NPC1L1: variants seen among roughly 807,000 people sequenced by gnomAD.
NPC1L1 encodes NPC1 like intracellular cholesterol transporter 1, also known as NPC1-like intracellular cholesterol transporter 1.
Under a neutral mutation model 117.0 loss-of-function variants are expected in NPC1L1, and 98 were observed. That is an observed-to-expected ratio of 0.84 (90% CI 0.71 to 0.99). The LOEUF (loss-of-function observed/expected upper bound fraction) is 0.99. NPC1L1 is among the 50% of genes least tolerant of loss of function. The pLI is 0.00. For missense variants in NPC1L1, 1,540 were observed against 1,710.0 expected (o/e 0.90, Z 1.75); for synonymous variants, 729 against 727.6 (o/e 1.00, Z -0.03).
At chr7:44,519,856 A>G (rs1462461647) in intron 14 of NPC1L1, among the ~76,000 whole-genome samples, 2 of 147,892 alleles carry the variant, frequency 1.4e-5, no homozygotes, top group African/African-American at 5.0e-5. Context: ...CCCAGGCTGG[A>G]GTGCAGTGTT....
rs1210867831 is a variant in NPC1L1 at position 44,539,287 on chromosome 7, C to T, written c.1110G>A (p.Leu370=). The T allele has an allele frequency of 6.2e-7, 1 of 1,613,942 alleles. No homozygotes were observed. Among genetic ancestry groups the T allele is most frequent in the Non-Finnish European group, 8.5e-7 (1 of 1,180,032 alleles). Residue 370 remains leucine, a synonymous_variant, in exon 2 of 19, where the codon CTG becomes CTA. Transcript: ENST00000381160. The surrounding 1 kb of genome is among the most constrained non-coding windows in gnomAD (Gnocchi z 4.4). ...GGTCCGTAGTGAGTTCTGTAAAGACCAGGCCCGCTGCCAAGGCCACCACCG... is the reference window on the plus strand; with the variant it reads ...GGTCCGTAGTGAGTTCTGTAAAGACTAGGCCCGCTGCCAAGGCCACCACCG... ...VIPVVALAAG[L]VFTELTTDPV... is the part of the protein sequence containing the mutation.
chr7:44,539,797 C>T lies in NPC1L1; in HGVS notation c.600G>A (p.Gln200=). The T allele has an allele frequency of 6.2e-7, 1 of 1,614,162 alleles. No homozygotes were observed. ...TGTCTCCCTGGAAGTTGAGCCAGCG[C>T]TGGGCATTGCAAAGGGCAGAGCCAT... ...GVYGSALCNA[Q]RWLNFQGDTG... Residue 200 remains glutamine, a synonymous_variant, in exon 2 of 19, where the codon CAG becomes CAA. Coordinates refer to ENST00000381160, the MANE Select transcript of NPC1L1 (RefSeq NM_001101648.2). The surrounding 1 kb of genome is among the most constrained non-coding windows in gnomAD (Gnocchi z 4.4).
rs763594780 is a variant in NPC1L1 at position 44,520,810 on chromosome 7, C to T, written c.3091G>A (p.Ala1031Thr). The change falls in exon 14 of 19, where the codon GCA (alanine) becomes ACA (threonine). Residue 1031 changes from alanine (A) to threonine (T), a missense_variant. Coordinates refer to ENST00000381160, the MANE Select transcript of NPC1L1 (RefSeq NM_001101648.2). ...GTCAAGTTCACAGAGGTGCTGTATGCTGCCAGGCCGCTGCAAGAAGGTCAG... is the reference window on the plus strand; with the variant it reads ...GTCAAGTTCACAGAGGTGCTGTATGTTGCCAGGCCGCTGCAAGAAGGTCAG... ...NIKCPKGGLA[A>T]YSTSVNLTSD... The T allele has an allele frequency of 1.9e-6, 3 of 1,614,170 alleles. No individual in the cohort carries two copies. Among genetic ancestry groups the T allele is most frequent in the Non-Finnish European group, 8.5e-7 (1 of 1,180,006 alleles).
chr7:44,531,250 C>T (rs143508824), intron 10 of NPC1L1, among the ~76,000 whole-genome samples: 1 of 152,338 alleles, frequency 6.6e-6, no homozygotes, highest in East Asian at 1.9e-4. Flanking sequence ...CCCTTGGCCT[C>T]CAGCTCATCC....
chr7:44,536,340 C>T lies in NPC1L1; in HGVS notation c.1770G>A (p.Lys590=). ...PAGDPRLAQA[K]LWEEAFLEEM... is the part of the protein sequence containing the mutation. ...CCTCTAAGAAGGCCTCCTCCCACAG[C>T]TTGGCCTGGGCCAGACGGGGGTCCC... Residue 590 remains lysine (K), a synonymous_variant, in exon 4 of 19, where the codon AAG becomes AAA. Coordinates refer to ENST00000381160, the MANE Select transcript of NPC1L1 (RefSeq NM_001101648.2). This position sits in a 1 kb window ranked among gnomAD's most constrained non-coding sequence, Gnocchi z 4.7. 6.2e-7 allele frequency: 1 copy of T among 1,614,238 alleles called. No homozygotes were observed. Among genetic ancestry groups the T allele is most frequent in the Non-Finnish European group, 8.5e-7 (1 of 1,180,032 alleles).
chr7:44,514,121 A>C (rs770151362), intron 18 of NPC1L1, among the ~76,000 whole-genome samples: 3 of 152,212 alleles, frequency 2.0e-5, no homozygotes, highest in Non-Finnish European at 4.4e-5. Flanking sequence ...GGGAAGGATA[A>C]TAATACCTGC....
In NPC1L1 at chr7:44,536,068, A is replaced by G. The variant is rs1801879619; in HGVS notation, c.1855-100T>C. 2 of 1,585,542 alleles carry G rather than the reference A, an allele frequency of 1.3e-6. No individual in the cohort carries two copies. Among genetic ancestry groups the G allele is most frequent in the Non-Finnish European group, 1.7e-6 (2 of 1,157,830 alleles). ...CTGGGCACTAATTGTGTGTTGTGTC[A>G]TAGGGCCTGATGGCCCCCTATAATC... On this transcript the variant is annotated intron_variant, in intron 4 of 18. Transcript: ENST00000381160. The surrounding 1 kb of genome is among the most constrained non-coding windows in gnomAD (Gnocchi z 4.7).
chr7:44,539,648 T>C lies in NPC1L1; in HGVS notation c.749A>G (p.Asp250Gly), dbSNP rs1802020961. The change falls in exon 2 of 19, where the codon GAC becomes GGC. Residue 250 changes from aspartate (D) to glycine (G), a missense_variant. Around this residue, in one of 3 missense-constraint regions of NPC1L1, gnomAD observed 793 missense variants for 820.4 expected, o/e 0.97. Transcript: ENST00000381160. This position sits in a 1 kb window ranked among gnomAD's most constrained non-coding sequence, Gnocchi z 4.4. ...VARCNESQGD[D>G]VATCSCQDCA... ...GTCTTGGCAGGAGCAGGTCGCCACGTCGTCACCTTGGGACTCATTGCAACG... is the reference window on the plus strand; with the variant it reads ...GTCTTGGCAGGAGCAGGTCGCCACGCCGTCACCTTGGGACTCATTGCAACG... 2 of 1,613,802 alleles carry C rather than the reference T, an allele frequency of 1.2e-6. No individual in the cohort carries two copies. Among genetic ancestry groups the C allele is most frequent in the African/African-American group, 2.7e-5 (2 of 75,030 alleles).
chr7:44,521,542 G>T (rs993803592), intron 12 of NPC1L1, among the ~76,000 whole-genome samples, 170 bp downstream of exon 12: 2 of 152,220 alleles, frequency 1.3e-5, no homozygotes, highest in African/African-American at 4.8e-5. Flanking sequence ...ACCCACACAG[G>T]TGCTTCTCAC....
At position 44,539,174 on chromosome 7, in the gene NPC1L1, T is replaced by C. The variant is rs749734311; in HGVS notation, c.1223A>G (p.Asn408Ser). 3 of 1,613,946 alleles carry C rather than the reference T, an allele frequency of 1.9e-6. No individual in the cohort carries two copies. The highest frequency in any genetic ancestry group is 2.5e-6 in the Non-Finnish European group (3 of 1,180,008). ...GTTAGGAGCCGTCAGGATCACCTGG[T>C]TGGTTCGGAAGAAGGGGCCGAAATG... ...DQHFGPFFRTNQVILTAPNRS... is the reference protein window; with the variant it reads ...DQHFGPFFRTSQVILTAPNRS... The change falls in exon 2 of 19, where the codon AAC becomes AGC. Residue 408 changes from asparagine (N) to serine (S), a missense_variant. Around this residue, in one of 3 missense-constraint regions of NPC1L1, gnomAD observed 793 missense variants for 820.4 expected, o/e 0.97. Coordinates refer to ENST00000381160, the MANE Select transcript of NPC1L1 (RefSeq NM_001101648.2). The surrounding 1 kb of genome is among the most constrained non-coding windows in gnomAD (Gnocchi z 4.4).
intron 16 of NPC1L1, 143 bp downstream of exon 16, chr7:44,516,560 C>T: frequency 1.3e-6 from 1 of 749,118 alleles, no homozygotes; most frequent in Non-Finnish European, 2.3e-6. Context: ...GAGCTGTGAT[C>T]ATGTCACTGC....
In NPC1L1 at chr7:44,533,502, C is replaced by T; in HGVS notation, c.2338G>A (p.Val780Met). ...ATCTGCAGGAGGAAGTCAAGGATCA[C>T]TGCAAGGCCAGAGGTCAGGGCAAAG... ...RTFALTSGLA[V>M]ILDFLLQMSA... Residue 780 changes from valine (V) to methionine (M), a missense_variant, in exon 8 of 19, where the codon GTG becomes ATG. Physicochemically the swap from Val to Met is conservative, Grantham distance 21. Around this residue, in one of 3 missense-constraint regions of NPC1L1, gnomAD observed 742 missense variants for 873.6 expected, o/e 0.85. Coordinates refer to ENST00000381160, the MANE Select transcript of NPC1L1 (RefSeq NM_001101648.2). The T allele has an allele frequency of 1.2e-6, 2 of 1,614,200 alleles. No individual in the cohort carries two copies. The highest frequency in any genetic ancestry group is 1.7e-6 in the Non-Finnish European group (2 of 1,180,020).
At chr7:44,516,673 G>GC (rs1801194488) in intron 16 of NPC1L1, 30 bp downstream of exon 16, 1 of 1,556,966 alleles carries the variant, frequency 6.4e-7, no homozygotes, top group African/African-American at 1.4e-5. Flanking sequence ...CCCTCCAGAG[G>GC]CCCCCTGGTG....
chr7:44,515,970 G>T lies in NPC1L1; in HGVS notation c.3634-5C>A. On this transcript the variant is annotated splice_polypyrimidine_tract_variant and splice_region_variant and intron_variant, in intron 17 of 18. Coordinates refer to ENST00000381160, the MANE Select transcript of NPC1L1 (RefSeq NM_001101648.2). ...CATGGCCACACCTGCAAACACCTGG[G>T]GGGTTCAGAGCCAGGTGTCAGGCAG... 6.2e-7 allele frequency: 1 copy of T among 1,613,760 alleles called. No homozygotes were observed.
intron 14 of NPC1L1, among the ~76,000 whole-genome samples, chr7:44,518,342 G>A (rs1801251818): frequency 6.7e-6 from 1 of 149,632 alleles, no homozygotes; most frequent in African/African-American, 2.4e-5. Context: ...GCTAATTTTT[G>A]TATTTTTAGT....
chr7:44,523,731 G>T lies in NPC1L1; in HGVS notation c.2638-1489C>A, dbSNP rs558090460. Among the ~76,000 whole-genome samples, 130 of 152,306 alleles carry T rather than the reference G, an allele frequency of 8.5e-4. No homozygotes were observed. The Middle Eastern group carries it at 0.014, about 16-fold the overall frequency. On this transcript the variant is annotated intron_variant, in intron 10 of 18. Transcript: ENST00000381160. ...AAAATACAAAAGTTAGCTGGGTGTG[G>T]TGGCACATGCCTGTAGTCCTAGCTA...
Position 44,536,320 on chromosome 7 carries a change from A to G in NPC1L1, c.1790T>C (p.Leu597Ser). 1 of 1,614,218 alleles carries G rather than the reference A, an allele frequency of 6.2e-7. No homozygotes were observed. Among genetic ancestry groups the G allele is most frequent in the Non-Finnish European group, 8.5e-7 (1 of 1,180,028 alleles). The change falls in exon 4 of 19, where the codon TTA becomes TCA. Residue 597 changes from leucine (L) to serine (S), a missense_variant. By Grantham distance (145) the Leu-to-Ser change is moderately radical (BLOSUM62 -2). This residue lies in a region of NPC1L1 where 793 missense variants were observed against 820.4 expected (regional missense o/e 0.97). Coordinates refer to ENST00000381160, the MANE Select transcript of NPC1L1 (RefSeq NM_001101648.2). The surrounding 1 kb of genome is among the most constrained non-coding windows in gnomAD (Gnocchi z 4.7). ...AQAKLWEEAF[L>S]EEMRAFQRRM... ...ACGCTGGAAGGCTCGCATTTCCTCTAAGAAGGCCTCCTCCCACAGCTTGGC... is the reference window on the plus strand; with the variant it reads ...ACGCTGGAAGGCTCGCATTTCCTCTGAGAAGGCCTCCTCCCACAGCTTGGC...
chr7:44,512,762 G>A lies in NPC1L1; in HGVS notation c.*685C>T, dbSNP rs1399512963. 1 of 155,138 alleles carries A rather than the reference G, an allele frequency of 6.4e-6. No individual in the cohort carries two copies. The highest frequency in any genetic ancestry group is 1.4e-5 in the Non-Finnish European group (1 of 69,852). 9.6% of individuals were successfully genotyped at this position (155,138 alleles called of 1,614,324 possible). ...TGACTGGCAGCAACAGCCTTAATAAGTATTGGAGCTGGAGACCAAACCCAA... is the reference window on the plus strand; with the variant it reads ...TGACTGGCAGCAACAGCCTTAATAAATATTGGAGCTGGAGACCAAACCCAA... On this transcript the variant is annotated 3_prime_UTR_variant, in exon 19 of 19. Transcript: ENST00000381160.
rs1801909932 is a variant in NPC1L1 at position 44,536,804 on chromosome 7, A to G, written c.1681+38T>C. 4 of 1,548,954 alleles carry G rather than the reference A, an allele frequency of 2.6e-6. No homozygotes were observed. Among genetic ancestry groups the G allele is most frequent in the South Asian group, 1.1e-5 (1 of 89,748 alleles). On this transcript the variant is annotated intron_variant, in intron 3 of 18. Transcript: ENST00000381160. The surrounding 1 kb of genome is among the most constrained non-coding windows in gnomAD (Gnocchi z 4.7). ...TCTATGGTTCCTGCCCCAATACTGC[A>G]TCTTCCTTGGCTTCCTCTCAGGGCC...
Sources: gnomAD v4.1 joint callset for allele counts (sites outside exome capture counted in the v4.1 genomes callset) on GRCh38, gnomAD v4.1.1 for gene constraint, gnomAD v4.1.1 regional missense constraint, Gnocchi (gnomAD v3.1) non-coding constraint, MANE v1.5 for transcripts, NCBI Gene and HGNC (gene_info 2026-07-23, HGNC 2026-07-21) for gene names.